FTCDNL1: variants seen among roughly 807,000 people sequenced by gnomAD.
The protein encoded by FTCDNL1 is formiminotransferase N-terminal subdomain-containing protein.
In FTCDNL1, 11 loss-of-function variants were observed where a neutral mutation model predicts 5.9. The ratio of observed to expected loss-of-function variants is 1.87; its 90% CI spans 1.18 to 3.10. The LOEUF is 3.10. Among genes scored for constraint, FTCDNL1 ranks in the 30% most tolerant of loss-of-function variants. The probability of loss-of-function intolerance (pLI) is 0.00; values close to 1 mark genes in which losing one functional copy is unlikely to be tolerated. For synonymous variants in FTCDNL1, 58 were observed against 24.8 expected (o/e 2.34, Z -3.99); for missense variants, 115 against 65.5 (o/e 1.76, Z -2.61).
intron 3 of FTCDNL1, among the ~76,000 whole-genome samples, chr2:199,820,303 G>A (rs984521537): frequency 4.6e-5 from 7 of 151,994 alleles, no homozygotes; most frequent in African/African-American, 1.7e-4. Flanking sequence ...AGTTTTAATT[G>A]ACTAAAATTA....
chr2:199,832,096 G>C (rs1005070972), intron 3 of FTCDNL1, among the ~76,000 whole-genome samples: 2 of 152,044 alleles, frequency 1.3e-5, no homozygotes, highest in Non-Finnish European at 2.9e-5. Context: ...AATCCAAGAA[G>C]GTTGTTATTT....
intron 3 of FTCDNL1, among the ~76,000 whole-genome samples, chr2:199,824,967 G>A (rs1362387832): frequency 2.6e-5 from 4 of 151,808 alleles, no homozygotes; most frequent in South Asian, 4.2e-4. Context: ...GTGAAACCCC[G>A]TCTTTACAAG....
At chr2:199,841,835 T>C (rs1302910051) in intron 3 of FTCDNL1, among the ~76,000 whole-genome samples, 1 of 152,180 alleles carries the variant, frequency 6.6e-6, no homozygotes, top group Non-Finnish European at 1.5e-5. Flanking sequence ...TTCCTGTCCA[T>C]TCTCTATCAT....
At chr2:199,840,481 A>AGT (rs1242370697) in intron 3 of FTCDNL1, among the ~76,000 whole-genome samples, 3 of 151,648 alleles carry the variant, frequency 2.0e-5, no homozygotes, top group African/African-American at 4.8e-5. Context: ...TGTTTGTGTG[A>AGT]GTGTGTGTGT....
At chr2:199,719,095 G>C in the FTCDNL1 span, among the ~76,000 whole-genome samples, 1 of 151,984 alleles carries the variant, frequency 6.6e-6, no homozygotes, top group East Asian at 1.9e-4. Flanking sequence ...TGTCTTTGAA[G>C]ACTTAGTCAT....
At chr2:199,846,731 C>G (rs1181184927) in intron 2 of FTCDNL1, among the ~76,000 whole-genome samples, 1 of 152,206 alleles carries the variant, frequency 6.6e-6, no homozygotes, top group Non-Finnish European at 1.5e-5. Context: ...TTAACAACTT[C>G]CAGCTTTTGG....
the FTCDNL1 span, among the ~76,000 whole-genome samples, chr2:199,753,815 G>A: frequency 6.6e-6 from 1 of 152,210 alleles, no homozygotes; most frequent in South Asian, 2.1e-4. Context: ...ATTATTTGTG[G>A]GGAGAGGAAT....
the FTCDNL1 span, among the ~76,000 whole-genome samples, chr2:199,684,039 A>T: frequency 1.3e-4 from 20 of 152,372 alleles, no homozygotes; most frequent in Admixed American, 1.0e-3. Flanking sequence ...TGCTTAACAA[A>T]TACCATCAGG....
At chr2:199,752,612 C>T in the FTCDNL1 span, among the ~76,000 whole-genome samples, 3 of 152,104 alleles carry the variant, frequency 2.0e-5, no homozygotes, top group Non-Finnish European at 4.4e-5. Context: ...CATCGGCTCT[C>T]CCTCAACCTG....
At chr2:199,756,525 T>C (rs1375456134), downstream of FTCDNL1, among the ~76,000 whole-genome samples, 1 of 152,300 alleles carries the variant, frequency 6.6e-6, no homozygotes, top group Non-Finnish European at 1.5e-5. Flanking sequence ...TTTCACACTC[T>C]AAAGTCCTAT....
intron 3 of FTCDNL1, among the ~76,000 whole-genome samples, chr2:199,762,320 G>A (rs1313292709): frequency 2.0e-5 from 3 of 152,046 alleles, no homozygotes; most frequent in East Asian, 1.9e-4. Context: ...TAGAGGTTGC[G>A]GTGAGCCAAG....
chr2:199,808,006 C>G (rs1425158775), downstream of FTCDNL1, among the ~76,000 whole-genome samples: 2 of 152,118 alleles, frequency 1.3e-5, no homozygotes, highest in Non-Finnish European at 2.9e-5. Flanking sequence ...CCTCTTGGTA[C>G]TCTCCTCATG....
At chr2:199,791,790 G>A (rs921710366) in intron 3 of FTCDNL1, among the ~76,000 whole-genome samples, 1 of 152,054 alleles carries the variant, frequency 6.6e-6, no homozygotes, top group Non-Finnish European at 1.5e-5. Flanking sequence ...TGATGGTGCA[G>A]TACAAAGTGA....
intron 3 of FTCDNL1, among the ~76,000 whole-genome samples, chr2:199,823,262 A>C (rs1701807816): frequency 6.6e-6 from 1 of 152,074 alleles, no homozygotes; most frequent in African/African-American, 2.4e-5. Context: ...CCTCCACTAA[A>C]GTCTTAAAGT....
chr2:199,677,220 G>C, the FTCDNL1 span, among the ~76,000 whole-genome samples: 1 of 152,096 alleles, frequency 6.6e-6, no homozygotes, highest in Non-Finnish European at 1.5e-5. Context: ...TTTCCCTAAG[G>C]CCAAAACCTA....
intron 3 of FTCDNL1, among the ~76,000 whole-genome samples, chr2:199,821,449 G>A (rs1281773319): frequency 1.5e-5 from 2 of 136,678 alleles, no homozygotes; most frequent in East Asian, 2.3e-4. Context: ...CATAAGCCAC[G>A]TGCCCAGCCT....
chr2:199,783,457 T>A (rs996342826), intron 3 of FTCDNL1, among the ~76,000 whole-genome samples: 1 of 152,218 alleles, frequency 6.6e-6, no homozygotes, highest in African/African-American at 2.4e-5. Context: ...TTGGCCATCA[T>A]AATTCTAATA....
the FTCDNL1 span, among the ~76,000 whole-genome samples, chr2:199,735,428 G>A: frequency 0.022 from 3,295 of 152,140 alleles, 35 homozygotes; most frequent in Middle Eastern, 0.027. Flanking sequence ...CAGGGTAAAC[G>A]GTTGGTTTGA....
intron 3 of FTCDNL1, among the ~76,000 whole-genome samples, chr2:199,775,428 C>A (rs1027272027): frequency 6.6e-6 from 1 of 152,170 alleles, no homozygotes; most frequent in Non-Finnish European, 1.5e-5. Context: ...CTTACACTGA[C>A]CAGTCATTTC....
Sources: gnomAD v4.1 joint callset for allele counts (sites outside exome capture counted in the v4.1 genomes callset) on GRCh38, gnomAD v4.1.1 for gene constraint, MANE v1.5 for transcripts, NCBI Gene and HGNC (gene_info 2026-07-23, HGNC 2026-07-21) for gene names.